SGCZ: variants seen among roughly 807,000 people sequenced by gnomAD.
SGCZ encodes the protein zeta-sarcoglycan.
SGCZ carries 40 observed loss-of-function variants against 41.3 expected under a neutral mutation model. The observed-to-expected ratio is 0.97, with a 90% CI of 0.75 to 1.26. SGCZ has a LOEUF of 1.26. Among genes scored for constraint, SGCZ ranks in the 50% most tolerant of loss-of-function variants. The probability of loss-of-function intolerance (pLI) is 0.00; values close to 1 mark genes in which losing one functional copy is unlikely to be tolerated. For missense variants in SGCZ, 552 were observed against 369.8 expected (o/e 1.49, Z -4.04); for synonymous variants, 206 against 137.5 (o/e 1.50, Z -3.49).
At chr8:14,342,062 A>T (rs1263350622) in intron 2 of SGCZ, among the ~76,000 whole-genome samples, 1 of 152,226 alleles carries the variant, frequency 6.6e-6, no homozygotes, top group East Asian at 1.9e-4. Context: ...AGAAGAAGAC[A>T]GAAAAATGTA....
intron 1 of SGCZ, among the ~76,000 whole-genome samples, chr8:15,000,629 G>A (rs896790668): frequency 3.3e-5 from 5 of 152,100 alleles, no homozygotes; most frequent in Non-Finnish European, 5.9e-5. Flanking sequence ...GTACAGCAAA[G>A]AACAGAGGAG....
chr8:14,352,602 T>G (rs894019657), intron 2 of SGCZ, among the ~76,000 whole-genome samples: 1 of 152,102 alleles, frequency 6.6e-6, no homozygotes, highest in Non-Finnish European at 1.5e-5. Context: ...GGAAGAGAAG[T>G]AGACCTACGT....
chr8:14,706,920 T>G (rs1387335298), intron 1 of SGCZ, among the ~76,000 whole-genome samples: 1 of 151,898 alleles, frequency 6.6e-6, no homozygotes, highest in Non-Finnish European at 1.5e-5. Context: ...CAGAAATTCT[T>G]ATTATTTAGA....
At position 14,187,687 on chromosome 8, in the gene SGCZ, A is replaced by G. The variant is rs370747368; in HGVS notation, c.425-22985T>C. ...CTGTAGAGAGAAAAAAGAATGAAAA[A>G]AATGACAACTGCAGGACACCATTAA... On this transcript the variant is annotated intron_variant, in intron 4 of 7. Coordinates refer to ENST00000382080, the MANE Select transcript of SGCZ (RefSeq NM_139167.4). Among the ~76,000 whole-genome samples, 54 of 152,234 alleles carry G rather than the reference A, an allele frequency of 3.5e-4. No homozygotes were observed. In the South Asian group the frequency reaches 0.011, roughly 31 times the overall value.
intron 2 of SGCZ, among the ~76,000 whole-genome samples, chr8:14,481,010 T>C (rs879548362): frequency 6.6e-6 from 1 of 152,014 alleles, no homozygotes; most frequent in Non-Finnish European, 1.5e-5. Context: ...TATCAATAGA[T>C]GCTCTCAGAA....
chr8:14,509,922 G>A (rs867450484), intron 2 of SGCZ, among the ~76,000 whole-genome samples: 3 of 151,946 alleles, frequency 2.0e-5, no homozygotes, highest in African/African-American at 4.8e-5. Flanking sequence ...AGCATGGGGG[G>A]ACACGTCCCC....
chr8:14,502,548 A>C (rs1802184299), intron 2 of SGCZ, among the ~76,000 whole-genome samples: 1 of 152,154 alleles, frequency 6.6e-6, no homozygotes, highest in Non-Finnish European at 1.5e-5. Flanking sequence ...AATTTTTGCG[A>C]TCTATCCATC....
chr8:14,769,749 C>T (rs927444043), intron 1 of SGCZ, among the ~76,000 whole-genome samples: 18 of 138,390 alleles, frequency 1.3e-4, no homozygotes, highest in Admixed American at 9.7e-4. Flanking sequence ...GAGCCAAGAT[C>T]GTGCCATTGC....
chr8:15,203,097 A>G (rs76317806), intron 1 of SGCZ, among the ~76,000 whole-genome samples: 9,269 of 152,004 alleles, frequency 0.061, 328 homozygotes, highest in African/African-American at 0.083. Context: ...GTGACAGAAC[A>G]AGACTCAGTC....
chr8:14,890,401 G>A (rs535069261), intron 1 of SGCZ, among the ~76,000 whole-genome samples: 2 of 152,340 alleles, frequency 1.3e-5, no homozygotes, highest in African/African-American at 4.8e-5. Context: ...TATAGAGACA[G>A]CTTTAGTGGT....
At chr8:14,987,326 C>G (rs1362360963) in intron 1 of SGCZ, among the ~76,000 whole-genome samples, 1 of 151,798 alleles carries the variant, frequency 6.6e-6, no homozygotes, top group Admixed American at 6.6e-5. Flanking sequence ...ATATTCAAAA[C>G]AGAAATGAAT....
chr8:14,674,928 G>GTTTT lies in SGCZ; in HGVS notation c.40-120006_40-120003dup, dbSNP rs201881681. On this transcript the variant is annotated intron_variant, in intron 1 of 7. Coordinates refer to ENST00000382080, the MANE Select transcript of SGCZ (RefSeq NM_139167.4). ...GCCAATTTAACCTCTTTTCTTTTCT[G>GTTTT]TTTTTTTTTTTTTTTTTTTTTTTTT... 4.5e-4 allele frequency among the ~76,000 whole-genome samples: 32 copies of GTTTT among 71,008 alleles called. 3 individuals carry two copies. Among genetic ancestry groups the GTTTT allele is most frequent in the African/African-American group, 9.1e-4 (18 of 19,696 alleles). The allele number at this position is 71,008 out of a possible 152,430, so 46.6% of individuals were successfully genotyped here.
At chr8:14,348,567 T>A (rs1244687369) in intron 2 of SGCZ, among the ~76,000 whole-genome samples, 2 of 152,156 alleles carry the variant, frequency 1.3e-5, no homozygotes, top group Non-Finnish European at 2.9e-5. Context: ...GTATCCATAG[T>A]GCCAGCCGAA....
intron 1 of SGCZ, among the ~76,000 whole-genome samples, chr8:14,956,281 G>T (rs190822552): frequency 6.6e-6 from 1 of 151,706 alleles, no homozygotes; most frequent in African/African-American, 2.4e-5. Flanking sequence ...CTCGTGATCC[G>T]CCTGCTTCAG....
intron 4 of SGCZ, among the ~76,000 whole-genome samples, chr8:14,233,130 A>C (rs1301897896): frequency 6.6e-6 from 1 of 152,030 alleles, no homozygotes; most frequent in African/African-American, 2.4e-5. Context: ...CTACCAGTTA[A>C]GATTATTCTT....
At chr8:14,690,765 T>C (rs1808773835) in intron 1 of SGCZ, 1 of 152,184 alleles carries the variant, frequency 6.6e-6, no homozygotes. Flanking sequence ...ATTACTGACC[T>C]TCCCCAAGTG....
chr8:15,027,329 G>C (rs1009555570), intron 1 of SGCZ, among the ~76,000 whole-genome samples: 1 of 152,016 alleles, frequency 6.6e-6, no homozygotes. Context: ...CAACAACCCA[G>C]TGCTTTATTT....
At chr8:14,206,364 T>C (rs1211340832) in intron 4 of SGCZ, among the ~76,000 whole-genome samples, 2 of 152,180 alleles carry the variant, frequency 1.3e-5, no homozygotes, top group African/African-American at 4.8e-5. Context: ...CTTTCACCTG[T>C]TGCTGAATAA....
chr8:14,655,909 G>C (rs1807550760), intron 1 of SGCZ, among the ~76,000 whole-genome samples: 1 of 151,972 alleles, frequency 6.6e-6, no homozygotes, highest in African/African-American at 2.4e-5. Context: ...TAATTTTATG[G>C]AGAGTCATCC....
Sources: allele counts gnomAD v4.1 joint callset (sites outside exome capture counted in the v4.1 genomes callset), GRCh38; gene constraint gnomAD v4.1.1; transcripts MANE v1.5; gene names NCBI Gene and HGNC (gene_info 2026-07-23, HGNC 2026-07-21).